Variants in UBE2U observed in about 807,000 individuals in gnomAD.
UBE2U encodes ubiquitin conjugating enzyme E2 U, also known as ubiquitin-conjugating enzyme E2 U.
In UBE2U, 39 loss-of-function variants were observed where a neutral mutation model predicts 41.2. That is an observed-to-expected ratio of 0.95 (90% confidence interval 0.73 to 1.24). The LOEUF is 1.24. Among genes scored for constraint, UBE2U ranks in the 50% most tolerant of loss-of-function variants. UBE2U has a pLI of 0.00. For synonymous variants in UBE2U, 107 were observed against 117.8 expected (o/e 0.91, Z 0.60); for missense variants, 336 against 363.1 (o/e 0.93, Z 0.61).
chr1:64,220,845 T>C lies in UBE2U; in HGVS notation c.458-14T>C, dbSNP rs1311037249. ...CCAAGTAAACCAGAATCCTTTCATATTTTTTCTTTATAGTGAAAGATGACA... is the reference window on the plus strand; with the variant it reads ...CCAAGTAAACCAGAATCCTTTCATACTTTTTCTTTATAGTGAAAGATGACA... On this transcript the variant is annotated splice_polypyrimidine_tract_variant and intron_variant, in intron 5 of 9. Coordinates refer to ENST00000371077, the MANE Select transcript of UBE2U (RefSeq NM_001366232.2). 2 of 1,600,190 alleles carry C rather than the reference T, an allele frequency of 1.2e-6. No individual in the cohort carries two copies. The highest frequency in any genetic ancestry group is 2.2e-5 in the East Asian group (1 of 44,586).
At chr1:64,239,107 A>AGAGGAAGAGGAAGAG (rs1644743995) in intron 7 of UBE2U, among the ~76,000 whole-genome samples, 4 of 11,058 alleles carry the variant, frequency 3.6e-4, no homozygotes, top group African/African-American at 3.0e-3. Context: ...AAGAAGAAGA[A>AGAGGAAGAGGAAGAG]GAAGAAGAAG....
At chr1:64,234,439 G>A (rs1471576303) in intron 7 of UBE2U, among the ~76,000 whole-genome samples, 1 of 152,062 alleles carries the variant, frequency 6.6e-6, no homozygotes, top group African/African-American at 2.4e-5. Flanking sequence ...TTAATTTGAA[G>A]TCTCTTTATA....
intron 4 of UBE2U, 27 bp downstream of exon 4, chr1:64,210,866 T>C (rs370452729): frequency 1.1e-5 from 17 of 1,484,386 alleles, no homozygotes; most frequent in Non-Finnish European, 1.6e-5. Context: ...TATAATCCTC[T>C]CTTTAATACT....
At chr1:64,256,412 A>G (rs1645092262) in intron 8 of UBE2U, among the ~76,000 whole-genome samples, 1 of 152,214 alleles carries the variant, frequency 6.6e-6, no homozygotes, top group South Asian at 2.1e-4. Context: ...TACTAGTACA[A>G]GAACAGAGAC....
At chr1:64,236,313 T>C (rs953250055) in intron 7 of UBE2U, among the ~76,000 whole-genome samples, 2 of 152,230 alleles carry the variant, frequency 1.3e-5, no homozygotes, top group African/African-American at 4.8e-5. Context: ...CATTTGTTGC[T>C]CTTTCTCTGA....
At chr1:64,239,225 A>G (rs1231784766) in intron 7 of UBE2U, among the ~76,000 whole-genome samples, 1 of 151,936 alleles carries the variant, frequency 6.6e-6, no homozygotes, top group African/African-American at 2.4e-5. Flanking sequence ...GGTGGAGAGC[A>G]TCTAGCTGGT....
At chr1:64,264,456 A>G (rs1645223302) in intron 9 of UBE2U, among the ~76,000 whole-genome samples, 1 of 152,152 alleles carries the variant, frequency 6.6e-6, no homozygotes, top group African/African-American at 2.4e-5. Flanking sequence ...ATTGTTTTTT[A>G]TGTTCTAAAG....
intron 8 of UBE2U, among the ~76,000 whole-genome samples, chr1:64,245,420 C>T (rs1286332838): frequency 6.6e-6 from 1 of 152,162 alleles, no homozygotes; most frequent in East Asian, 1.9e-4. Flanking sequence ...GCTTCTGTGA[C>T]AACAGAAAAA....
chr1:64,261,123 C>T (rs532981038), intron 9 of UBE2U, among the ~76,000 whole-genome samples: 2 of 152,076 alleles, frequency 1.3e-5, no homozygotes, highest in Non-Finnish European at 2.9e-5. Context: ...TTACCATTTA[C>T]TTGTTGGGAT....
At chr1:64,241,533 A>G in intron 7 of UBE2U, 119 bp from the exon 8 acceptor site, 1 of 675,096 alleles carries the variant, frequency 1.5e-6, no homozygotes, top group South Asian at 2.0e-5. Context: ...CTTGAATTAT[A>G]TAGTGCATGT....
intron 6 of UBE2U, among the ~76,000 whole-genome samples, chr1:64,227,390 A>T (rs1055756229): frequency 1.3e-5 from 2 of 152,250 alleles, no homozygotes; most frequent in Non-Finnish European, 2.9e-5. Flanking sequence ...ATATAAAAAA[A>T]CTTGAAAATT....
intron 8 of UBE2U, among the ~76,000 whole-genome samples, chr1:64,247,146 C>G (rs1490304990): frequency 1.3e-5 from 2 of 151,122 alleles, no homozygotes; most frequent in East Asian, 3.9e-4. Flanking sequence ...TAAACACACT[C>G]CGTTCTTTCA....
chr1:64,251,109 C>CA (rs1557743099), intron 8 of UBE2U, among the ~76,000 whole-genome samples: 1 of 150,776 alleles, frequency 6.6e-6, no homozygotes. Flanking sequence ...CCCGCCCCCC[C>CA]AAAAAAAGAA....
intron 6 of UBE2U, among the ~76,000 whole-genome samples, chr1:64,222,609 T>C (rs1442977480): frequency 6.6e-6 from 1 of 152,248 alleles, no homozygotes; most frequent in Non-Finnish European, 1.5e-5. Flanking sequence ...TCATGCTGTG[T>C]ATCAGGCTGC....
intron 7 of UBE2U, among the ~76,000 whole-genome samples, chr1:64,239,425 T>C (rs553239741): frequency 3.9e-5 from 6 of 152,046 alleles, no homozygotes; most frequent in Non-Finnish European, 8.8e-5. Flanking sequence ...AACGTGCAGG[T>C]TTGTTACATA....
intron 5 of UBE2U, 55 bp downstream of exon 5, chr1:64,214,987 C>T (rs1651898010): frequency 7.1e-7 from 1 of 1,407,130 alleles, no homozygotes; most frequent in East Asian, 2.3e-5. Flanking sequence ...AATCCCAACA[C>T]TTTGGGAGGC....
chr1:64,216,188 A>G (rs1651999219), intron 5 of UBE2U, among the ~76,000 whole-genome samples: 2 of 152,150 alleles, frequency 1.3e-5, no homozygotes, highest in Admixed American at 6.6e-5. Flanking sequence ...CATCTTTTCC[A>G]GTACCATAGA....
intron 1 of UBE2U, 120 bp downstream of exon 1, chr1:64,204,236 G>A: frequency 1.4e-6 from 1 of 729,002 alleles, no homozygotes; most frequent in East Asian, 2.9e-5. Context: ...CTACAGTATT[G>A]TTATTTAATA....
chr1:64,253,529 C>A (rs950329145), intron 8 of UBE2U, among the ~76,000 whole-genome samples: 1 of 152,102 alleles, frequency 6.6e-6, no homozygotes, highest in Non-Finnish European at 1.5e-5. Context: ...GGCCAAGGCA[C>A]CTGTAGGGAA....
Sources: gnomAD v4.1 joint callset for allele counts (sites outside exome capture counted in the v4.1 genomes callset) on GRCh38, gnomAD v4.1.1 for gene constraint, MANE v1.5 for transcripts, NCBI Gene and HGNC (gene_info 2026-07-23, HGNC 2026-07-21) for gene names.